Variants in AMPH observed in about 807,000 individuals in gnomAD.
AMPH encodes the protein amphiphysin.
AMPH carries 49 observed loss-of-function variants against 99.1 expected under a neutral mutation model. That is an observed-to-expected ratio of 0.49 (90% confidence interval 0.39 to 0.63). AMPH has a LOEUF of 0.63. AMPH is among the 20% of genes least tolerant of loss of function. The pLI is 0.00. For synonymous variants in AMPH, 314 were observed against 317.3 expected, an observed-to-expected ratio of 0.99 and a Z score of 0.11; for missense variants, 759 against 863.4, an observed-to-expected ratio of 0.88 and a Z score of 1.52.
intron 17 of AMPH, among the ~76,000 whole-genome samples, chr7:38,409,767 T>A (rs998622334): frequency 2.0e-5 from 3 of 152,182 alleles, no homozygotes; most frequent in African/African-American, 7.2e-5. Flanking sequence ...ACTAGCTCCA[T>A]CACTTTCTTC....
chr7:38,509,991 A>G (rs1447865723), intron 2 of AMPH, among the ~76,000 whole-genome samples: 1 of 152,150 alleles, frequency 6.6e-6, no homozygotes, highest in Non-Finnish European at 1.5e-5. Flanking sequence ...TAGAGAAGGA[A>G]GGGCCTTAGC....
intron 19 of AMPH, 21 bp from the exon 20 acceptor site, chr7:38,389,926 T>A (rs1387376274): frequency 6.4e-7 from 1 of 1,568,840 alleles, no homozygotes; most frequent in South Asian, 1.1e-5. Context: ...TAAGAATACA[T>A]AAAAATCAAT....
intron 1 of AMPH, among the ~76,000 whole-genome samples, chr7:38,611,607 A>G (rs1793681523): frequency 6.6e-6 from 1 of 152,230 alleles, no homozygotes; most frequent in Non-Finnish European, 1.5e-5. Flanking sequence ...TCCATTGCGG[A>G]AGGCAGAGCC....
intron 2 of AMPH, among the ~76,000 whole-genome samples, chr7:38,518,649 T>C (rs1402444617): frequency 6.6e-6 from 1 of 152,206 alleles, no homozygotes; most frequent in East Asian, 1.9e-4. Flanking sequence ...ATTTTATAAG[T>C]AGATAACTTG....
At chr7:38,385,595 T>G (rs1335613542) in intron 20 of AMPH, among the ~76,000 whole-genome samples, 1 of 152,248 alleles carries the variant, frequency 6.6e-6, no homozygotes, top group Non-Finnish European at 1.5e-5. Flanking sequence ...TACAAAGCAG[T>G]TGGATGTCAT....
intron 11 of AMPH, among the ~76,000 whole-genome samples, chr7:38,449,559 T>A (rs1339133723): frequency 6.6e-6 from 1 of 152,188 alleles, no homozygotes; most frequent in East Asian, 1.9e-4. Context: ...AATGACCCAA[T>A]GATTTTAAAA....
At chr7:38,539,539 C>T (rs1790734877) in intron 1 of AMPH, among the ~76,000 whole-genome samples, 1 of 152,170 alleles carries the variant, frequency 6.6e-6, no homozygotes. Context: ...ACAGCCATTC[C>T]TCAGAAACAT....
intron 2 of AMPH, among the ~76,000 whole-genome samples, chr7:38,511,451 T>C (rs1789537985): frequency 6.6e-6 from 1 of 152,166 alleles, no homozygotes; most frequent in Non-Finnish European, 1.5e-5. Flanking sequence ...AATATTGCAG[T>C]AATAGAGGCT....
At chr7:38,476,086 T>C (rs937390311) in intron 6 of AMPH, among the ~76,000 whole-genome samples, 43 of 152,114 alleles carry the variant, frequency 2.8e-4, no homozygotes, top group African/African-American at 9.7e-4. Context: ...TGAAGGGCAT[T>C]TGTTATTGTG....
At chr7:38,618,370 C>A (rs1029663968) in intron 1 of AMPH, among the ~76,000 whole-genome samples, 1 of 151,286 alleles carries the variant, frequency 6.6e-6, no homozygotes, top group African/African-American at 2.4e-5. Flanking sequence ...AAATTAGCCA[C>A]GCGTGGTGGC....
At chr7:38,388,703 G>C (rs893329380) in intron 20 of AMPH, among the ~76,000 whole-genome samples, 1 of 151,910 alleles carries the variant, frequency 6.6e-6, no homozygotes, top group Non-Finnish European at 1.5e-5. Flanking sequence ...GCAGTGGTGT[G>C]ATCATGGCTC....
chr7:38,460,597 G>A (rs867853146), intron 11 of AMPH, among the ~76,000 whole-genome samples: 64 of 152,246 alleles, frequency 4.2e-4, no homozygotes, highest in African/African-American at 1.4e-3. Context: ...AATAAGCCAG[G>A]CACAGAAAAG....
At position 38,534,933 on chromosome 7, in the gene AMPH, C is replaced by T. The variant is rs1023213322; in HGVS notation, c.148G>A (p.Glu50Lys). 6.2e-7 allele frequency: 1 copy of T among 1,613,726 alleles called. No individual in the cohort carries two copies. The highest frequency in any genetic ancestry group is 8.5e-7 in the Non-Finnish European group (1 of 1,179,698). Reference sequence around the variant, plus strand: ...AGAAACTAAACAAATGGACTCACTTCTTGCCGTTTGAAGTTCTGGACATAT... The same window carrying T: ...AGAAACTAAACAAATGGACTCACTTTTTGCCGTTTGAAGTTCTGGACATAT... ...EEYVQNFKRQ[E>K]AEGTRLQREL... Residue 50 changes from glutamate to lysine, a missense_variant and splice_region_variant, in exon 2 of 21, where the codon GAA (glutamate) becomes AAA (lysine). By Grantham distance (56) the Glu-to-Lys change is moderately conservative. Transcript: ENST00000356264.
chr7:38,622,947 G>A (rs547083336), intron 1 of AMPH, among the ~76,000 whole-genome samples: 1 of 152,246 alleles, frequency 6.6e-6, no homozygotes, highest in South Asian at 2.1e-4. Flanking sequence ...CTGTGCTCTT[G>A]TTCCCTGCAG....
chr7:38,421,852 C>G (rs989869005), intron 16 of AMPH, among the ~76,000 whole-genome samples: 1 of 152,180 alleles, frequency 6.6e-6, no homozygotes, highest in African/African-American at 2.4e-5. Context: ...AAAATGTTTC[C>G]CATCATAACT....
chr7:38,499,842 G>C (rs769944573), intron 3 of AMPH, among the ~76,000 whole-genome samples: 2 of 152,146 alleles, frequency 1.3e-5, no homozygotes, highest in Admixed American at 6.5e-5. Flanking sequence ...TGCTGTTCTC[G>C]TGATAGTGAA....
chr7:38,602,038 C>A (rs1268584248), intron 1 of AMPH, among the ~76,000 whole-genome samples: 1 of 152,166 alleles, frequency 6.6e-6, no homozygotes, highest in African/African-American at 2.4e-5. Flanking sequence ...AGGAAGGCAG[C>A]AAATAAAAGT....
chr7:38,593,313 C>A (rs1792927700), intron 1 of AMPH, among the ~76,000 whole-genome samples: 1 of 152,076 alleles, frequency 6.6e-6, no homozygotes, highest in Non-Finnish European at 1.5e-5. Context: ...TTTTCTTTGG[C>A]AGTCTTCAAA....
chr7:38,570,660 T>C (rs1358061217), intron 1 of AMPH, among the ~76,000 whole-genome samples: 1 of 151,810 alleles, frequency 6.6e-6, no homozygotes, highest in East Asian at 1.9e-4. Flanking sequence ...TACTGGTTTC[T>C]GTATTTACTA....
Sources: allele counts gnomAD v4.1 joint callset (sites outside exome capture counted in the v4.1 genomes callset), GRCh38; gene constraint gnomAD v4.1.1; transcripts MANE v1.5; gene names NCBI Gene and HGNC (gene_info 2026-07-23, HGNC 2026-07-21).